The following PLPP1 variants were observed in gnomAD, a reference collection of about 807,000 sequenced individuals.
The protein encoded by PLPP1 is phospholipid phosphatase 1.
In PLPP1, 24 loss-of-function variants were observed where a neutral mutation model predicts 31.2. The ratio of observed to expected loss-of-function variants is 0.77; its 90% CI spans 0.56 to 1.08. The LOEUF is 1.08. PLPP1 is among the 50% of genes least tolerant of loss of function. PLPP1 has a pLI of 0.00. For synonymous variants in PLPP1, 146 were observed against 126.3 expected (o/e 1.16, Z -1.05); for missense variants, 319 against 342.7 (o/e 0.93, Z 0.55).
chr5:55,490,314 C>A (rs1046728908), intron 1 of PLPP1, among the ~76,000 whole-genome samples: 1 of 151,812 alleles, frequency 6.6e-6, no homozygotes, highest in African/African-American at 2.4e-5. Flanking sequence ...CCACGCCCGG[C>A]TAATTCTTTA....
At chr5:55,534,404 G>A (rs1005149546) in intron 1 of PLPP1, among the ~76,000 whole-genome samples, 168 bp downstream of exon 1, 3 of 152,220 alleles carry the variant, frequency 2.0e-5, no homozygotes, top group African/African-American at 7.2e-5. Context: ...CGGGAGCCGG[G>A]GTGCAGGCTG....
chr5:55,494,010 A>G (rs1306035390), intron 1 of PLPP1, among the ~76,000 whole-genome samples: 9 of 152,180 alleles, frequency 5.9e-5, no homozygotes, highest in Non-Finnish European at 5.9e-5. Flanking sequence ...ATGCCACTGC[A>G]TTCCAACATG....
intron 1 of PLPP1, among the ~76,000 whole-genome samples, chr5:55,496,639 GT>G (rs1753008830): frequency 6.6e-6 from 1 of 152,158 alleles, no homozygotes; most frequent in African/African-American, 2.4e-5. Context: ...TATGCCATCT[GT>G]TTCCTATCAG....
intron 1 of PLPP1, among the ~76,000 whole-genome samples, chr5:55,498,702 C>CAAAAAAAAAAA (rs546216139): frequency 9.0e-6 from 1 of 110,672 alleles, no homozygotes; most frequent in Non-Finnish European, 2.0e-5. Flanking sequence ...CAAGAAGGGA[C>CAAAAAAAAAAA]AAAAAAAAAA....
intron 3 of PLPP1, among the ~76,000 whole-genome samples, chr5:55,453,058 A>C (rs572106487): frequency 6.6e-6 from 1 of 152,200 alleles, no homozygotes; most frequent in Non-Finnish European, 1.5e-5. Flanking sequence ...AGTAGAATCT[A>C]AACTATTGAG....
chr5:55,534,580 A>C lies in PLPP1; in HGVS notation c.50T>G (p.Val17Gly). ...LPYVALDVLCVLLAGLPFAIL... is the reference protein window; with the variant it reads ...LPYVALDVLCGLLAGLPFAIL... ...CGGCGGCGCGTACGTACCCAGCAACACGCAGAGCACATCGAGGGCCACGTA... is the reference window on the plus strand; with the variant it reads ...CGGCGGCGCGTACGTACCCAGCAACCCGCAGAGCACATCGAGGGCCACGTA... Residue 17 changes from valine to glycine, a missense_variant, in exon 1 of 6, where the codon GTG becomes GGG. By Grantham distance (109) the Val-to-Gly change is moderately radical. Coordinates refer to ENST00000307259, the MANE Select transcript of PLPP1 (RefSeq NM_003711.4). The C allele has an allele frequency of 5.1e-6, 8 of 1,553,560 alleles. No individual in the cohort carries two copies. The highest frequency in any genetic ancestry group is 6.9e-6 in the Non-Finnish European group (8 of 1,151,802).
intron 3 of PLPP1, among the ~76,000 whole-genome samples, chr5:55,453,741 G>A (rs1469380123): frequency 6.6e-6 from 1 of 152,184 alleles, no homozygotes; most frequent in Non-Finnish European, 1.5e-5. Context: ...AGGAGTTTGA[G>A]AACAACCTGT....
At chr5:55,482,193 TAC>T (rs1237302482) in intron 1 of PLPP1, among the ~76,000 whole-genome samples, 1 of 148,696 alleles carries the variant, frequency 6.7e-6, no homozygotes, top group Non-Finnish European at 1.5e-5. Flanking sequence ...ATATAGTATA[TAC>T]ACACACAGAC....
chr5:55,437,510 A>T (rs978921461), intron 4 of PLPP1, among the ~76,000 whole-genome samples: 11 of 151,412 alleles, frequency 7.3e-5, no homozygotes, highest in African/African-American at 2.7e-4. Context: ...AATATTTATT[A>T]TCTGACCTTT....
At chr5:55,466,224 C>T (rs1046755185) in intron 3 of PLPP1, among the ~76,000 whole-genome samples, 3 of 152,170 alleles carry the variant, frequency 2.0e-5, no homozygotes, top group Admixed American at 2.0e-4. Flanking sequence ...TCTTCTTTGA[C>T]CTCATTATCA....
At chr5:55,456,334 A>G (rs1203267413) in intron 3 of PLPP1, among the ~76,000 whole-genome samples, 1 of 152,152 alleles carries the variant, frequency 6.6e-6, no homozygotes, top group African/African-American at 2.4e-5. Flanking sequence ...AAGAGAGTCA[A>G]TGGGAAAAAA....
rs556982623 is a variant in PLPP1 at position 55,496,749 on chromosome 5, G to C, written c.59-21299C>G. On this transcript the variant is annotated intron_variant, in intron 1 of 5. Transcript: ENST00000307259. ...TAGTGCACTACTCCTATGATATGTT[G>C]AGGAAAACAGACACATGAATACCTG... 2.4e-4 allele frequency among the ~76,000 whole-genome samples: 36 copies of C among 152,292 alleles called. No homozygotes were observed. The South Asian group carries it at 7.1e-3, about 30-fold the overall frequency.
chr5:55,436,368 G>A (rs576309241), intron 4 of PLPP1, among the ~76,000 whole-genome samples: 35 of 152,150 alleles, frequency 2.3e-4, no homozygotes, highest in Non-Finnish European at 5.1e-4. Context: ...TAAGTCTCAC[G>A]AGATCTGATG....
chr5:55,499,432 C>A (rs1753070720), intron 1 of PLPP1, among the ~76,000 whole-genome samples: 1 of 152,168 alleles, frequency 6.6e-6, no homozygotes, highest in South Asian at 2.1e-4. Context: ...ATAATGTGGT[C>A]TCTTATTCAC....
At chr5:55,502,181 A>G (rs182974542) in intron 1 of PLPP1, among the ~76,000 whole-genome samples, 1 of 152,244 alleles carries the variant, frequency 6.6e-6, no homozygotes, top group East Asian at 1.9e-4. Flanking sequence ...AGCCAATAAA[A>G]TTTTCTGTGA....
At chr5:55,470,542 A>G (rs1752394011) in intron 2 of PLPP1, among the ~76,000 whole-genome samples, 1 of 152,234 alleles carries the variant, frequency 6.6e-6, no homozygotes, top group South Asian at 2.1e-4. Context: ...GCTGAAACTT[A>G]ACCATTAATA....
chr5:55,520,779 A>G (rs1447131619), intron 1 of PLPP1, among the ~76,000 whole-genome samples: 1 of 152,254 alleles, frequency 6.6e-6, no homozygotes, highest in African/African-American at 2.4e-5. Context: ...ATTAATGTGG[A>G]TAGACTCATA....
chr5:55,446,399 T>A (rs1404625887), intron 3 of PLPP1, among the ~76,000 whole-genome samples: 1 of 152,258 alleles, frequency 6.6e-6, no homozygotes, highest in Middle Eastern at 3.2e-3. Flanking sequence ...TACAAATCCC[T>A]TTGGTTCCAA....
At position 55,517,908 on chromosome 5, in the gene PLPP1, C is replaced by T. The variant is rs745569513; in HGVS notation, c.58+16664G>A. On this transcript the variant is annotated intron_variant, in intron 1 of 5. Coordinates refer to ENST00000307259, the MANE Select transcript of PLPP1 (RefSeq NM_003711.4). ...AGCTGCCCAGGCTGGAGTGCAGTGG[C>T]GCAATCTCAGCTCACCGCAACCTCT... 1.4e-3 allele frequency among the ~76,000 whole-genome samples: 219 copies of T among 152,320 alleles called. 3 individuals carry two copies. Among genetic ancestry groups the T allele is most frequent in the Non-Finnish European group, 6.5e-4 (44 of 68,022 alleles).
Sources: gnomAD v4.1 joint callset for allele counts (sites outside exome capture counted in the v4.1 genomes callset) on GRCh38, gnomAD v4.1.1 for gene constraint, MANE v1.5 for transcripts, NCBI Gene and HGNC (gene_info 2026-07-23, HGNC 2026-07-21) for gene names.